SLC25A18: variants seen among roughly 807,000 people sequenced by gnomAD.
SLC25A18 encodes the protein solute carrier family 25 member 18, also known as mitochondrial glutamate carrier 2.
Under a neutral mutation model 31.1 loss-of-function variants are expected in SLC25A18, and 24 were observed. The observed-to-expected ratio is 0.77, with a 90% confidence interval of 0.56 to 1.08. SLC25A18 has a LOEUF of 1.08. SLC25A18 is among the 50% of genes least tolerant of loss of function. The pLI is 0.00. For missense variants in SLC25A18, 371 were observed against 418.5 expected (o/e 0.89, Z 0.99); for synonymous variants, 173 against 161.9 (o/e 1.07, Z -0.52).
chr22:17,582,972 G>A (rs1319684901), intron 6 of SLC25A18, among the ~76,000 whole-genome samples: 1 of 152,182 alleles, frequency 6.6e-6, no homozygotes, highest in African/African-American at 2.4e-5. Context: ...CACTTTAGGA[G>A]GTTGAGGAAG....
In SLC25A18 at chr22:17,589,594, G is replaced by A. The variant is rs751661658; in HGVS notation, c.735G>A (p.Leu245=). The part of the protein sequence containing the change: ...AAVAVTPLDV[L]KTRIQTLKKG... The stretch of plus-strand genomic sequence containing the variant: ...TTTAACTTTTACTTGATTTAGTTCT[G>A]AAAACTCGAATCCAAACCCTCAAGA... The change falls in exon 10 of 11, where the codon CTG becomes CTA. Residue 245 remains leucine, a synonymous_variant. Coordinates refer to ENST00000327451, the MANE Select transcript of SLC25A18 (RefSeq NM_031481.3). 4 of 1,613,902 alleles carry A rather than the reference G, an allele frequency of 2.5e-6. No individual in the cohort carries two copies. The East Asian group carries it at 8.9e-5, about 36-fold the overall frequency.
At chr22:17,564,152 C>T (rs2056873747) in intron 1 of SLC25A18, among the ~76,000 whole-genome samples, 1 of 152,176 alleles carries the variant, frequency 6.6e-6, no homozygotes, top group South Asian at 2.1e-4. Flanking sequence ...TAATTATGTC[C>T]AGTGTGATGC....
At chr22:17,582,469 C>A in intron 5 of SLC25A18, 94 bp from the exon 6 acceptor site, 1 of 1,050,834 alleles carries the variant, frequency 9.5e-7, no homozygotes, top group Non-Finnish European at 1.3e-6. Flanking sequence ...ATGCCCTTCA[C>A]TCAGGGACTG....
chr22:17,564,857 C>CAAAAA (rs695292), intron 1 of SLC25A18, among the ~76,000 whole-genome samples: 9 of 112,360 alleles, frequency 8.0e-5, no homozygotes, highest in Non-Finnish European at 1.3e-4. Context: ...ACTCTGTCTC[C>CAAAAA]AAAAAAAAAA....
chr22:17,582,784 G>T, intron 6 of SLC25A18, 131 bp downstream of exon 6: 1 of 783,034 alleles, frequency 1.3e-6, no homozygotes, highest in Non-Finnish European at 2.1e-6. Flanking sequence ...ATGGCTGAGG[G>T]CTGGTGTGTG....
chr22:17,579,716 A>G (rs1322776256), intron 2 of SLC25A18, 29 bp from the exon 3 acceptor site: 19 of 1,365,526 alleles, frequency 1.4e-5, no homozygotes, highest in Non-Finnish European at 1.8e-5. Flanking sequence ...CCCATCTGTG[A>G]GGTGAGTGTT....
chr22:17,565,726 G>A (rs966496353), intron 1 of SLC25A18, among the ~76,000 whole-genome samples: 3 of 152,092 alleles, frequency 2.0e-5, no homozygotes, highest in African/African-American at 7.2e-5. Flanking sequence ...AATTAGCCGG[G>A]CATGATGGGG....
intron 1 of SLC25A18, among the ~76,000 whole-genome samples, chr22:17,568,581 T>TTG (rs2057001646): frequency 7.9e-6 from 1 of 126,566 alleles, no homozygotes; most frequent in Non-Finnish European, 1.6e-5. Flanking sequence ...TTTTTTTTTT[T>TTG]GAGACAGTCT....
At chr22:17,577,057 G>C (rs900765240) in intron 2 of SLC25A18, among the ~76,000 whole-genome samples, 1 of 150,526 alleles carries the variant, frequency 6.6e-6, no homozygotes, top group African/African-American at 2.5e-5. Context: ...GAGTCTCACT[G>C]TGTCACCCAG....
In SLC25A18 at chr22:17,589,603, A is replaced by G; in HGVS notation, c.744A>G (p.Arg248=). ...TACTTGATTTAGTTCTGAAAACTCG[A>G]ATCCAAACCCTCAAGAAAGGCCTGG... ...AVTPLDVLKT[R]IQTLKKGLGE... The change falls in exon 10 of 11, where the codon CGA becomes CGG. Residue 248 remains arginine (R), a synonymous_variant. Transcript: ENST00000327451. 1.9e-6 allele frequency: 3 copies of G among 1,614,138 alleles called. No individual in the cohort carries two copies. The highest frequency in any genetic ancestry group is 2.5e-6 in the Non-Finnish European group (3 of 1,179,994).
At chr22:17,571,765 A>AG (rs2057093284) in intron 2 of SLC25A18, among the ~76,000 whole-genome samples, 1 of 151,050 alleles carries the variant, frequency 6.6e-6, no homozygotes. Context: ...AAAGAAAAAA[A>AG]AAAAAAAAAG....
intron 2 of SLC25A18, among the ~76,000 whole-genome samples, chr22:17,571,263 A>G (rs2057080195): frequency 2.0e-5 from 3 of 152,160 alleles, no homozygotes; most frequent in South Asian, 4.1e-4. Flanking sequence ...CCGGAGGGAC[A>G]ATCTGTGGTG....
chr22:17,572,333 A>T, intron 2 of SLC25A18, among the ~76,000 whole-genome samples: 1 of 151,024 alleles, frequency 6.6e-6, no homozygotes, highest in Non-Finnish European at 1.5e-5. Flanking sequence ...AAAATACAGA[A>T]ATATAGGTGG....
intron 2 of SLC25A18, among the ~76,000 whole-genome samples, chr22:17,577,025 A>G (rs1272715222): frequency 6.6e-6 from 1 of 151,062 alleles, no homozygotes; most frequent in Non-Finnish European, 1.5e-5. Context: ...GCACCTGGCT[A>G]ATTTTTTTGG....
At position 17,587,413 on chromosome 22, in the gene SLC25A18, G is replaced by A. The variant is rs183271089; in HGVS notation, c.575+112G>A. The A allele has an allele frequency of 9.2e-4, 1,229 of 1,330,650 alleles. 9 individuals are homozygous for A. In the African/African-American group the frequency reaches 0.016, roughly 17 times the overall value. 82.4% of individuals were successfully genotyped at this position (1,330,650 alleles called of 1,614,324 possible). ...TCCTTCCCAGAATATCCAAACCCAG[G>A]TGAGCAAACGATTTCCATGCTTCCT... On this transcript the variant is annotated intron_variant, in intron 8 of 10. Coordinates refer to ENST00000327451, the MANE Select transcript of SLC25A18 (RefSeq NM_031481.3).
intron 7 of SLC25A18, among the ~76,000 whole-genome samples, chr22:17,586,139 C>A (rs2057543329): frequency 6.6e-6 from 1 of 152,212 alleles, no homozygotes; most frequent in Non-Finnish European, 1.5e-5. Flanking sequence ...GGAGACCATT[C>A]CATCCTATTA....
chr22:17,574,070 A>T (rs1161428206), intron 2 of SLC25A18, among the ~76,000 whole-genome samples: 3 of 152,014 alleles, frequency 2.0e-5, no homozygotes, highest in Non-Finnish European at 2.9e-5. Context: ...CTCTACAAAA[A>T]TTTTTTTTAA....
At chr22:17,572,223 C>T (rs1263037433) in intron 2 of SLC25A18, among the ~76,000 whole-genome samples, 1 of 151,868 alleles carries the variant, frequency 6.6e-6, no homozygotes, top group African/African-American at 2.4e-5. Context: ...GTGGCTCACC[C>T]CTGTAATCCC....
intron 1 of SLC25A18, among the ~76,000 whole-genome samples, chr22:17,568,628 C>G (rs1480225230): frequency 2.5e-5 from 3 of 119,956 alleles, no homozygotes; most frequent in Admixed American, 1.1e-4. Context: ...GTGGTGCGAT[C>G]TCGGCTCACT....
Sources: allele counts gnomAD v4.1 joint callset (sites outside exome capture counted in the v4.1 genomes callset), GRCh38; gene constraint gnomAD v4.1.1; transcripts MANE v1.5; gene names NCBI Gene and HGNC (gene_info 2026-07-23, HGNC 2026-07-21).